PLA2G6: variants seen among roughly 807,000 people sequenced by gnomAD.
The protein encoded by PLA2G6 is phospholipase A2 group VI.
Under a neutral mutation model 83.8 loss-of-function variants are expected in PLA2G6, and 62 were observed. That is an observed-to-expected ratio of 0.74 (90% CI 0.60 to 0.91). The LOEUF is 0.91. Ranked by LOEUF, PLA2G6 falls within the 40% of genes least tolerant of loss-of-function variation. PLA2G6 has a pLI of 0.00. For synonymous variants in PLA2G6, 417 were observed against 449.8 expected, an observed-to-expected ratio of 0.93 and a Z score of 0.92; for missense variants, 944 against 1,102.0, an observed-to-expected ratio of 0.86 and a Z score of 2.03.
chr22:38,114,675 G>A (rs2087080850), intron 14 of PLA2G6, among the ~76,000 whole-genome samples: 1 of 152,200 alleles, frequency 6.6e-6, no homozygotes, highest in Non-Finnish European at 1.5e-5. Context: ...GGCCCCTAGA[G>A]GGCGCTTCTC....
intron 11 of PLA2G6, among the ~76,000 whole-genome samples, chr22:38,122,219 C>T (rs2087566038): frequency 6.6e-6 from 1 of 152,086 alleles, no homozygotes; most frequent in South Asian, 2.1e-4. Flanking sequence ...GGGAGTCCTC[C>T]CCGGGCACCT....
chr22:38,147,394 C>G (rs1262925837), intron 2 of PLA2G6: 2 of 169,204 alleles, frequency 1.2e-5, no homozygotes, highest in Non-Finnish European at 2.9e-5. Context: ...AAGGCAGTGC[C>G]CAGAGAGTGT....
intron 13 of PLA2G6, 128 bp from the exon 14 acceptor site, chr22:38,115,809 G>T: frequency 6.7e-7 from 1 of 1,482,598 alleles, no homozygotes; most frequent in Non-Finnish European, 8.9e-7. Flanking sequence ...GAACTCTTCA[G>T]AAGCAGGACC....
At chr22:38,172,554 TA>T (rs1303249604) in intron 1 of PLA2G6, among the ~76,000 whole-genome samples, 1 of 152,218 alleles carries the variant, frequency 6.6e-6, no homozygotes, top group Non-Finnish European at 1.5e-5. Context: ...AGATGCTATG[TA>T]AAGCGATTAT....
At chr22:38,137,015 G>A (rs1161840652) in intron 5 of PLA2G6, 3 of 152,446 alleles carry the variant, frequency 2.0e-5, no homozygotes, top group Non-Finnish European at 2.9e-5. Flanking sequence ...TGGGATTAGA[G>A]GCATGAGCCA....
chr22:38,132,759 G>T lies in PLA2G6; in HGVS notation c.1077+72C>A. On this transcript the variant is annotated intron_variant, in intron 7 of 16. Coordinates refer to ENST00000332509, the MANE Select transcript of PLA2G6 (RefSeq NM_003560.4). This position sits in a 1 kb window ranked among gnomAD's most constrained non-coding sequence, Gnocchi z 5.0. ...TAGGAGGGAGACAGTGGGGAGGAGG[G>T]CTCCAGTCCGGACAGCCCTCCTGCA... 2 of 1,316,912 alleles carry T rather than the reference G, an allele frequency of 1.5e-6. No individual in the cohort carries two copies. The highest frequency in any genetic ancestry group is 2.1e-6 in the Non-Finnish European group (2 of 952,300). 81.6% of individuals were successfully genotyped at this position (1,316,912 alleles called of 1,614,324 possible). A position where few individuals can be genotyped will look rare whatever the true frequency, so the allele number is the denominator to read the frequency against.
At chr22:38,126,651 G>T (rs766500088) in intron 9 of PLA2G6, 46 of 598,814 alleles carry the variant, frequency 7.7e-5, no homozygotes, top group Non-Finnish European at 1.3e-4. Context: ...GAGAGAAATG[G>T]GCTGGAGTGG....
At chr22:38,117,855 G>T (rs548707956) in intron 12 of PLA2G6, among the ~76,000 whole-genome samples, 91 of 152,060 alleles carry the variant, frequency 6.0e-4, no homozygotes, top group African/African-American at 2.1e-3. Context: ...GGCCAACATG[G>T]TGAAACCCTG....
intron 2 of PLA2G6, 145 bp from the exon 3 acceptor site, chr22:38,145,798 CACACA>C: frequency 1.6e-6 from 1 of 643,028 alleles, no homozygotes; most frequent in East Asian, 2.8e-5. Context: ...CACACACACA[CACACA>C]CACACACACA....
In PLA2G6 at chr22:38,111,796, G is replaced by A; in HGVS notation, c.*365C>T. On this transcript the variant is annotated 3_prime_UTR_variant, in exon 17 of 17. Transcript: ENST00000332509. The stretch of plus-strand genomic sequence containing the variant: ...CTGGGAGTGCCCTTGCTGGGGGCTG[G>A]GGCAGAGGCAGCCCGGCAGGCCCTC... 2.8e-6 allele frequency: 1 copy of A among 361,722 alleles called. No homozygotes were observed. The highest frequency in any genetic ancestry group is 5.4e-6 in the Non-Finnish European group (1 of 186,200). 22.4% of individuals were successfully genotyped at this position (361,722 alleles called of 1,614,324 possible).
intron 6 of PLA2G6, 142 bp downstream of exon 6, chr22:38,134,846 A>G: frequency 1.6e-6 from 1 of 629,724 alleles, no homozygotes; most frequent in Non-Finnish European, 2.8e-6. Flanking sequence ...CTCTTCATGG[A>G]CTTCTCTGCC....
chr22:38,168,878 A>T (rs1569299573), intron 2 of PLA2G6, among the ~76,000 whole-genome samples: 4 of 152,078 alleles, frequency 2.6e-5, no homozygotes, highest in Non-Finnish European at 4.4e-5. Context: ...AAAAATAAAG[A>T]GCCAGGGCTA....
intron 9 of PLA2G6, chr22:38,126,828 G>A (rs962274950): frequency 2.8e-6 from 1 of 354,950 alleles, no homozygotes; most frequent in African/African-American, 2.1e-5. Context: ...ATAACCACCT[G>A]GGGCCTAAGA....
intron 1 of PLA2G6, among the ~76,000 whole-genome samples, chr22:38,180,140 GACAC>G (rs133028): frequency 0.31 from 42,583 of 137,596 alleles, 6,173 homozygotes; most frequent in Admixed American, 0.37. Context: ...GATGTCTGCA[GACAC>G]ACACACACAC....
At position 38,120,898 on chromosome 22, in the gene PLA2G6, C is replaced by A; in HGVS notation, c.1603G>T (p.Ala535Ser). 1 of 1,613,604 alleles carries A rather than the reference C, an allele frequency of 6.2e-7. No individual in the cohort carries two copies. The highest frequency in any genetic ancestry group is 8.5e-7 in the Non-Finnish European group (1 of 1,180,028). Residue 535 changes from alanine (A) to serine (S), a missense_variant, in exon 12 of 17, where the codon GCC becomes TCC. By Grantham distance (99) the Ala-to-Ser change is moderately conservative (BLOSUM62 1). Transcript: ENST00000332509. ...CGAAAGTACATGCCGCGCATGTAGG[C>A]CATGGACTTACCTAGGAACAAAGGG... is the stretch of plus-strand genomic sequence containing the variant. ...ALAILHSKSM[A>S]YMRGMYFRMK...
chr22:38,126,326 A>T, intron 10 of PLA2G6, 45 bp downstream of exon 10: 1 of 1,448,956 alleles, frequency 6.9e-7, no homozygotes, highest in South Asian at 1.1e-5. Context: ...AGGGGCAGGA[A>T]AGCGCACACG....
chr22:38,180,927 C>A (rs1297059189), intron 1 of PLA2G6, among the ~76,000 whole-genome samples: 1 of 152,174 alleles, frequency 6.6e-6, no homozygotes, highest in African/African-American at 2.4e-5. Context: ...GTTGCCAAAC[C>A]GAACCTGCCT....
intron 2 of PLA2G6, among the ~76,000 whole-genome samples, chr22:38,161,961 T>C (rs1011195439): frequency 2.0e-5 from 3 of 152,004 alleles, no homozygotes; most frequent in Admixed American, 1.3e-4. Context: ...TCCCAGCACT[T>C]TGGGAGGCCA....
At chr22:38,118,094 C>T (rs2087315333) in intron 12 of PLA2G6, among the ~76,000 whole-genome samples, 1 of 151,392 alleles carries the variant, frequency 6.6e-6, no homozygotes, top group Non-Finnish European at 1.5e-5. Context: ...CTGTATGATT[C>T]CACTTACATA....
Sources: allele counts gnomAD v4.1 joint callset (sites outside exome capture counted in the v4.1 genomes callset), GRCh38; gene constraint gnomAD v4.1.1; non-coding constraint Gnocchi (gnomAD v3.1); transcripts MANE v1.5; gene names NCBI Gene and HGNC (gene_info 2026-07-23, HGNC 2026-07-21).